The following CADPS2 variants were observed in gnomAD, a reference collection of about 807,000 sequenced individuals.
CADPS2 encodes the protein calcium-dependent secretion activator 2.
In CADPS2, 93 loss-of-function variants were observed where a neutral mutation model predicts 172.5. The observed-to-expected ratio is 0.54, with a 90% CI of 0.46 to 0.64. The LOEUF (loss-of-function observed/expected upper bound fraction) is 0.64. CADPS2 is among the 30% of genes least tolerant of loss of function. The pLI is 0.00. For missense variants in CADPS2, 1,420 were observed against 1,565.9 expected (o/e 0.91, Z 1.57); for synonymous variants, 546 against 555.2 (o/e 0.98, Z 0.23).
chr7:122,498,301 T>C (rs919806811), intron 9 of CADPS2, among the ~76,000 whole-genome samples: 8 of 152,304 alleles, frequency 5.3e-5, no homozygotes, highest in South Asian at 2.1e-4. Context: ...CTTTGTCATT[T>C]TGCACTTTCA....
chr7:122,865,265 A>G (rs573708191), intron 1 of CADPS2, among the ~76,000 whole-genome samples: 2 of 152,316 alleles, frequency 1.3e-5, no homozygotes, highest in East Asian at 3.9e-4. Context: ...GCGCCTTGCC[A>G]GCACCATGCT....
intron 8 of CADPS2, among the ~76,000 whole-genome samples, chr7:122,518,581 G>A (rs1177177533): frequency 6.6e-6 from 1 of 152,080 alleles, no homozygotes; most frequent in African/African-American, 2.4e-5. Flanking sequence ...GAGTACCTCG[G>A]CTAGGTGTAC....
chr7:122,805,032 G>A (rs1798481073), intron 1 of CADPS2, among the ~76,000 whole-genome samples: 1 of 152,156 alleles, frequency 6.6e-6, no homozygotes, highest in East Asian at 1.9e-4. Flanking sequence ...AATTGTGTAT[G>A]TATCTTGTGT....
At chr7:122,445,275 T>C (rs181607011) in intron 15 of CADPS2, among the ~76,000 whole-genome samples, 1 of 152,254 alleles carries the variant, frequency 6.6e-6, no homozygotes, top group East Asian at 1.9e-4. Context: ...TAGCCTTGGA[T>C]CCATAGGTCA....
intron 2 of CADPS2, among the ~76,000 whole-genome samples, chr7:122,717,683 T>G (rs1482904966): frequency 6.6e-6 from 1 of 152,166 alleles, no homozygotes; most frequent in Non-Finnish European, 1.5e-5. Flanking sequence ...GTTTAGCTAA[T>G]GGGCCTTAAA....
At chr7:122,438,750 C>G (rs943356126) in intron 16 of CADPS2, among the ~76,000 whole-genome samples, 3 of 152,056 alleles carry the variant, frequency 2.0e-5, no homozygotes, top group Non-Finnish European at 4.4e-5. Context: ...GTGACTGTCA[C>G]TTTTCTTCCA....
chr7:122,476,784 T>C (rs2056665009), intron 12 of CADPS2, among the ~76,000 whole-genome samples: 1 of 152,134 alleles, frequency 6.6e-6, no homozygotes. Flanking sequence ...TAGAAATCAT[T>C]CTATTTTTAA....
At chr7:122,871,709 T>C (rs1363621176) in intron 1 of CADPS2, among the ~76,000 whole-genome samples, 1 of 152,086 alleles carries the variant, frequency 6.6e-6, no homozygotes, top group Non-Finnish European at 1.5e-5. Flanking sequence ...AAAATCCAAT[T>C]AACATTTTCA....
intron 1 of CADPS2, among the ~76,000 whole-genome samples, chr7:122,845,209 A>G (rs1419175410): frequency 2.0e-5 from 3 of 152,210 alleles, no homozygotes; most frequent in African/African-American, 2.4e-5. Flanking sequence ...GTGGTGGCTC[A>G]GCAAATTGCC....
At chr7:122,414,230 C>G (rs897591013) in intron 18 of CADPS2, among the ~76,000 whole-genome samples, 154 bp from the exon 19 acceptor site, 1 of 152,016 alleles carries the variant, frequency 6.6e-6, no homozygotes, top group East Asian at 1.9e-4. Context: ...TTAATAAAGT[C>G]AACTTTATTT....
Position 122,702,374 on chromosome 7 carries a change from C to T in CADPS2, c.453+34581G>A, listed in dbSNP as rs775246153. 25 of 1,613,810 alleles carry T rather than the reference C, an allele frequency of 1.5e-5. No homozygotes were observed. The highest frequency in any genetic ancestry group is 3.3e-5 in the Admixed American group (2 of 59,996). On this transcript the variant is annotated intron_variant, in intron 2 of 29. Coordinates refer to ENST00000449022, the MANE Select transcript of CADPS2 (RefSeq NM_017954.11). ...ACCTTGATAGTTGTAGATGATCACC[C>T]CATTTGCTCCCTTCTCTGCTGCCAC...
intron 17 of CADPS2, among the ~76,000 whole-genome samples, chr7:122,434,895 T>C (rs957500456): frequency 6.6e-6 from 1 of 152,230 alleles, no homozygotes; most frequent in Admixed American, 6.5e-5. Context: ...AATGGTCCTC[T>C]TTTCTTGTTG....
At chr7:122,854,014 A>G (rs566002713) in intron 1 of CADPS2, among the ~76,000 whole-genome samples, 10 of 152,242 alleles carry the variant, frequency 6.6e-5, no homozygotes, top group African/African-American at 2.4e-4. Flanking sequence ...GTTAACACCA[A>G]CAGACTCCAG....
intron 6 of CADPS2, among the ~76,000 whole-genome samples, chr7:122,597,632 T>C (rs2072047856): frequency 6.6e-6 from 1 of 152,128 alleles, no homozygotes; most frequent in Non-Finnish European, 1.5e-5. Context: ...TCTCTAAAAA[T>C]TCTTCCCTGA....
intron 2 of CADPS2, among the ~76,000 whole-genome samples, chr7:122,696,872 CA>C (rs1450610772): frequency 2.6e-5 from 4 of 152,040 alleles, no homozygotes; most frequent in Non-Finnish European, 5.9e-5. Context: ...TTCATTCATT[CA>C]AAAATACTCG....
intron 7 of CADPS2, among the ~76,000 whole-genome samples, chr7:122,580,950 A>C (rs756414047): frequency 6.6e-6 from 1 of 152,166 alleles, no homozygotes; most frequent in African/African-American, 2.4e-5. Context: ...GGTGACAAGG[A>C]ATTTGTATTT....
At chr7:122,475,040 A>C (rs948672896) in intron 12 of CADPS2, among the ~76,000 whole-genome samples, 1 of 152,194 alleles carries the variant, frequency 6.6e-6, no homozygotes, top group Non-Finnish European at 1.5e-5. Flanking sequence ...TTCAAGTTTA[A>C]GAGACAGGAA....
intron 8 of CADPS2, among the ~76,000 whole-genome samples, chr7:122,538,697 C>A (rs1372061574): frequency 6.6e-6 from 1 of 151,940 alleles, no homozygotes; most frequent in Non-Finnish European, 1.5e-5. Context: ...TAAGTAGGAA[C>A]AGATAATCTG....
intron 2 of CADPS2, among the ~76,000 whole-genome samples, chr7:122,707,134 A>G (rs188165285): frequency 2.9e-3 from 437 of 151,928 alleles, no homozygotes; most frequent in African/African-American, 0.01. Flanking sequence ...AGTATCCCCA[A>G]AGGAATAATA....
Sources: allele counts gnomAD v4.1 joint callset (sites outside exome capture counted in the v4.1 genomes callset), GRCh38; gene constraint gnomAD v4.1.1; transcripts MANE v1.5; gene names NCBI Gene and HGNC (gene_info 2026-07-23, HGNC 2026-07-21).